Variants in TYW1B observed in about 807,000 individuals in gnomAD.
The protein encoded by TYW1B is S-adenosyl-L-methionine-dependent tRNA 4-demethylwyosine synthase TYW1B.
In TYW1B, 73 loss-of-function variants were observed where a neutral mutation model predicts 86.9. The ratio of observed to expected loss-of-function variants is 0.84; its 90% confidence interval spans 0.70 to 1.02. The LOEUF (loss-of-function observed/expected upper bound fraction) is 1.02. Among genes scored for constraint, TYW1B ranks in the 50% least tolerant of loss-of-function variants. TYW1B has a pLI of 0.00. For missense variants in TYW1B, 637 were observed against 827.4 expected (o/e 0.77, Z 2.82); for synonymous variants, 248 against 292.8 (o/e 0.85, Z 1.56).
At chr7:72,641,673 C>T (rs1243409557) in intron 11 of TYW1B, among the ~76,000 whole-genome samples, 1 of 152,040 alleles carries the variant, frequency 6.6e-6, no homozygotes, top group African/African-American at 2.4e-5. Context: ...GGAGTAACTG[C>T]TTAATGGGTA....
intron 8 of TYW1B, among the ~76,000 whole-genome samples, chr7:72,742,312 T>C (rs1423381277): frequency 2.0e-5 from 3 of 152,088 alleles, no homozygotes; most frequent in Non-Finnish European, 4.4e-5. Context: ...GCATGTTTCG[T>C]AGAGACAAGG....
chr7:72,738,917 A>AT lies in TYW1B; in HGVS notation c.1082+5566_1082+5567insA, dbSNP rs1585943934. 3.6e-3 allele frequency among the ~76,000 whole-genome samples: 545 copies of AT among 149,942 alleles called. 5 individuals are homozygous for AT. Among genetic ancestry groups the AT allele is most frequent in the Non-Finnish European group, 5.5e-3 (371 of 67,344 alleles). The stretch of plus-strand genomic sequence containing the variant: ...GAGACCCTGTCTCTATCAAAAAAAA[A>AT]AAAAAATAATAATAATAAACTGGAT... On this transcript the variant is annotated intron_variant, in intron 8 of 13. Coordinates refer to ENST00000620995, the MANE Select transcript of TYW1B (RefSeq NM_001145440.3).
intron 12 of TYW1B, among the ~76,000 whole-genome samples, chr7:72,626,267 C>CTCACCAAAAA (rs1812348320): frequency 1.8e-4 from 27 of 148,252 alleles, no homozygotes; most frequent in Non-Finnish European, 5.9e-5. Flanking sequence ...CACCAAAAGA[C>CTCACCAAAAA]AGCTGTAAAA....
intron 8 of TYW1B, among the ~76,000 whole-genome samples, chr7:72,737,007 G>A (rs540118993): frequency 1.3e-5 from 2 of 152,234 alleles, no homozygotes; most frequent in East Asian, 3.9e-4. Context: ...CAGCCTGGGT[G>A]ACAGAGCGAG....
At chr7:72,591,051 G>A (rs1273139028) in intron 13 of TYW1B, among the ~76,000 whole-genome samples, 1 of 151,648 alleles carries the variant, frequency 6.6e-6, no homozygotes, top group Admixed American at 6.6e-5. Flanking sequence ...TAACTGAAAT[G>A]AAAAATTCAT....
chr7:72,632,295 ATATACGTGTATATATAT>A (rs1289730410), intron 11 of TYW1B, among the ~76,000 whole-genome samples: 96 of 90,666 alleles, frequency 1.1e-3, no homozygotes, highest in East Asian at 5.2e-3. Context: ...GTATATATAT[ATATACGTGTATATATAT>A]TATATATATT....
At chr7:72,711,267 C>T (rs1206971287) in intron 10 of TYW1B, among the ~76,000 whole-genome samples, 2 of 152,006 alleles carry the variant, frequency 1.3e-5, no homozygotes, top group African/African-American at 2.4e-5. Context: ...AGACACACAC[C>T]TCTCCCTCCC....
chr7:72,760,557 A>G (rs1554467007), intron 7 of TYW1B, among the ~76,000 whole-genome samples: 1 of 152,244 alleles, frequency 6.6e-6, no homozygotes, highest in Non-Finnish European at 1.5e-5. Context: ...TGTTGTGTCT[A>G]CATTGTATAA....
chr7:72,749,061 G>C (rs1156757973), intron 7 of TYW1B, among the ~76,000 whole-genome samples: 1 of 152,130 alleles, frequency 6.6e-6, no homozygotes, highest in Non-Finnish European at 1.5e-5. Context: ...TGAAAACTAA[G>C]ATTTCACTTT....
chr7:72,819,877 G>A (rs1788795181), intron 2 of TYW1B, among the ~76,000 whole-genome samples: 1 of 152,102 alleles, frequency 6.6e-6, no homozygotes. Flanking sequence ...GAGAGAAGGG[G>A]CAGGTCAGCT....
chr7:72,705,924 T>C (rs537965867), intron 10 of TYW1B, among the ~76,000 whole-genome samples: 2 of 152,318 alleles, frequency 1.3e-5, no homozygotes, highest in South Asian at 2.1e-4. Flanking sequence ...AATGACTCCA[T>C]GGAATCTTCC....
intron 11 of TYW1B, among the ~76,000 whole-genome samples, chr7:72,675,665 A>C (rs1813720381): frequency 6.6e-6 from 1 of 151,746 alleles, no homozygotes; most frequent in South Asian, 2.1e-4. Context: ...ACGCTTCATC[A>C]AATTACAAAC....
chr7:72,765,791 A>T (rs1162097399), intron 7 of TYW1B, among the ~76,000 whole-genome samples: 9 of 152,168 alleles, frequency 5.9e-5, no homozygotes, highest in Non-Finnish European at 1.2e-4. Context: ...TTTAAGAAAC[A>T]AGCCTCATGT....
chr7:72,585,792 T>C (rs1365170485), intron 13 of TYW1B, among the ~76,000 whole-genome samples: 1 of 152,198 alleles, frequency 6.6e-6, no homozygotes, highest in Non-Finnish European at 1.5e-5. Context: ...ATTAAACCTC[T>C]TTTTTCTTAT....
At chr7:72,622,813 TGCACACAC>T (rs1394841570) in intron 12 of TYW1B, among the ~76,000 whole-genome samples, 1 of 150,912 alleles carries the variant, frequency 6.6e-6, no homozygotes, top group Non-Finnish European at 1.5e-5. Flanking sequence ...ACAACACACA[TGCACACAC>T]ACTACACAAA....
chr7:72,772,636 A>G (rs148207748), intron 7 of TYW1B, among the ~76,000 whole-genome samples: 5,331 of 152,198 alleles, frequency 0.035, 143 homozygotes, highest in Middle Eastern at 0.065. Context: ...TCCTTTTTAA[A>G]CAAACTAGTA....
At chr7:72,726,958 C>T (rs1318405926) in intron 9 of TYW1B, among the ~76,000 whole-genome samples, 1 of 152,136 alleles carries the variant, frequency 6.6e-6, no homozygotes, top group Non-Finnish European at 1.5e-5. Context: ...GGAAGAGCCC[C>T]TCATAAAACC....
chr7:72,792,533 A>G (rs1263935498), intron 6 of TYW1B, among the ~76,000 whole-genome samples: 1 of 152,198 alleles, frequency 6.6e-6, no homozygotes, highest in Non-Finnish European at 1.5e-5. Context: ...CTCTTCTACA[A>G]TGGAAACAGA....
chr7:72,791,265 A>C (rs1334801293), intron 6 of TYW1B, among the ~76,000 whole-genome samples: 1 of 151,902 alleles, frequency 6.6e-6, no homozygotes, highest in Non-Finnish European at 1.5e-5. Flanking sequence ...TTGGGGAGGG[A>C]GGGGGAGTTG....
Sources: gnomAD v4.1 joint callset for allele counts (sites outside exome capture counted in the v4.1 genomes callset) on GRCh38, gnomAD v4.1.1 for gene constraint, MANE v1.5 for transcripts, NCBI Gene and HGNC (gene_info 2026-07-23, HGNC 2026-07-21) for gene names.